Variants in FER1L5 observed in about 807,000 individuals in gnomAD.
The protein encoded by FER1L5 is fer-1 like family member 5, also known as fer-1-like protein 5.
FER1L5 carries 187 observed loss-of-function variants against 279.9 expected under a neutral mutation model. The observed-to-expected ratio is 0.67, with a 90% CI of 0.59 to 0.75. FER1L5 has a LOEUF of 0.75. Among genes scored for constraint, FER1L5 ranks in the 30% least tolerant of loss-of-function variants. The probability of loss-of-function intolerance (pLI) is 0.00; values close to 1 mark genes in which losing one functional copy is unlikely to be tolerated. For missense variants in FER1L5, 2,091 were observed against 2,594.4 expected (o/e 0.81, Z 4.21); for synonymous variants, 921 against 989.7 (o/e 0.93, Z 1.30).
intron 9 of FER1L5, among the ~76,000 whole-genome samples, chr2:96,659,770 C>T (rs912085692): frequency 2.0e-5 from 3 of 152,040 alleles, no homozygotes; most frequent in South Asian, 2.1e-4. Context: ...GGATTACAGG[C>T]GTGAGCCACT....
At chr2:96,647,600 A>T (rs1171134393) in intron 3 of FER1L5, among the ~76,000 whole-genome samples, 178 bp from the exon 4 acceptor site, 1 of 152,148 alleles carries the variant, frequency 6.6e-6, no homozygotes, top group Non-Finnish European at 1.5e-5. Context: ...CAGTTCTCAG[A>T]GCCAGAAGCC....
intron 43 of FER1L5, 91 bp from the exon 44 acceptor site, chr2:96,699,841 C>T (rs1294395321): frequency 1.3e-6 from 2 of 1,579,774 alleles, no homozygotes; most frequent in Admixed American, 1.8e-5. Flanking sequence ...CCAGTCTCCA[C>T]CCAAGCTTCC....
At chr2:96,697,407 A>C (rs1187300164) in intron 37 of FER1L5, 119 bp from the exon 38 acceptor site, 1 of 1,057,842 alleles carries the variant, frequency 9.5e-7, no homozygotes, top group African/African-American at 1.6e-5. Context: ...TAAAAGGTCT[A>C]TGTGAAAGGC....
At chr2:96,684,261 A>T in intron 19 of FER1L5, 66 bp from the exon 20 acceptor site, 1 of 1,522,680 alleles carries the variant, frequency 6.6e-7, no homozygotes. Flanking sequence ...CGGAGGGAGC[A>T]CAGTGAGAAG....
intron 19 of FER1L5, among the ~76,000 whole-genome samples, chr2:96,678,742 CA>C (rs1440758352): frequency 6.6e-6 from 1 of 152,206 alleles, no homozygotes; most frequent in African/African-American, 2.4e-5. Context: ...CACATCTTTT[CA>C]TGTGCTCATT....
chr2:96,680,354 C>T (rs189172766), intron 19 of FER1L5, among the ~76,000 whole-genome samples: 138 of 152,104 alleles, frequency 9.1e-4, no homozygotes, highest in Admixed American at 1.3e-3. Flanking sequence ...CCAAAAATCC[C>T]GGAAAACTAT....
chr2:96,677,218 C>G (rs1025216562), intron 19 of FER1L5, among the ~76,000 whole-genome samples: 2 of 152,170 alleles, frequency 1.3e-5, no homozygotes, highest in Non-Finnish European at 2.9e-5. Flanking sequence ...TGAGTAAAAT[C>G]TTATTTTGTT....
chr2:96,687,199 GC>G (rs1404704122), intron 23 of FER1L5, among the ~76,000 whole-genome samples: 1 of 152,174 alleles, frequency 6.6e-6, no homozygotes, highest in Non-Finnish European at 1.5e-5. Flanking sequence ...CTGGCCCCTG[GC>G]CCCTGTTCCT....
At chr2:96,660,243 C>T in intron 9 of FER1L5, 98 bp from the exon 10 acceptor site, 1 of 1,260,196 alleles carries the variant, frequency 7.9e-7, no homozygotes, top group East Asian at 2.5e-5. Flanking sequence ...AGAGAACATA[C>T]TGAAGCCCCA....
In FER1L5 at chr2:96,673,050, G is replaced by C. The variant is rs1199012732; in HGVS notation, c.1492-27G>C. 3 of 1,547,802 alleles carry C rather than the reference G, an allele frequency of 1.9e-6. No homozygotes were observed. In the South Asian group the frequency reaches 3.6e-5, roughly 19 times the overall value. On this transcript the variant is annotated intron_variant, in intron 18 of 52. Transcript: ENST00000624922. ...AACCCTTGGCTTATGTACTGGGTAT[G>C]GGGGGTGGGGGCGGTTATTGTTTCA... is the stretch of plus-strand genomic sequence containing the variant.
At chr2:96,684,666 G>C (rs1183618996) in intron 20 of FER1L5, among the ~76,000 whole-genome samples, 2 of 152,226 alleles carry the variant, frequency 1.3e-5, no homozygotes, top group Non-Finnish European at 2.9e-5. Context: ...AGGGAAGTTA[G>C]ACATGCAGGC....
intron 21 of FER1L5, 137 bp from the exon 22 acceptor site, chr2:96,685,803 C>T: frequency 8.9e-7 from 1 of 1,125,062 alleles, no homozygotes; most frequent in Non-Finnish European, 1.2e-6. Flanking sequence ...GTGGGAAGGG[C>T]TCCTGGGCCA....
chr2:96,663,420 C>A lies in FER1L5; in HGVS notation c.1072-19C>A. Reference sequence around the variant, plus strand: ...AGGAGGGGGCAGGCTGGCACCAACACTGCTTTGGGACATTCCAGCTCAGGA... The same window carrying A: ...AGGAGGGGGCAGGCTGGCACCAACAATGCTTTGGGACATTCCAGCTCAGGA... On this transcript the variant is annotated intron_variant, in intron 13 of 52. Transcript: ENST00000624922. The A allele has an allele frequency of 6.4e-7, 1 of 1,551,510 alleles. No individual in the cohort carries two copies. The highest frequency in any genetic ancestry group is 8.7e-7 in the Non-Finnish European group (1 of 1,146,824).
intron 13 of FER1L5, 22 bp downstream of exon 13, chr2:96,662,289 G>T: frequency 1.3e-6 from 2 of 1,550,492 alleles, no homozygotes; most frequent in South Asian, 2.4e-5. Flanking sequence ...AATATTCTGA[G>T]ACCCAGAGAG....
chr2:96,657,562 T>A (rs2075647675), intron 9 of FER1L5, among the ~76,000 whole-genome samples: 1 of 152,202 alleles, frequency 6.6e-6, no homozygotes, highest in Admixed American at 6.5e-5. Context: ...ACCTTGGGAA[T>A]CACTCCGTCT....
Position 96,647,777 on chromosome 2 carries a change from G to C in FER1L5, c.231-1G>C, listed in dbSNP as rs1337042971. On this transcript the variant is annotated splice_acceptor_variant, in intron 3 of 52. Transcript: ENST00000624922. LOFTEE classifies it high-confidence loss of function. ...CTCACATCTGCTCCTTGTCTCCCCAGATTCATTGGCCTGGCCACAGTACTG... is the reference window on the plus strand; with the variant it reads ...CTCACATCTGCTCCTTGTCTCCCCACATTCATTGGCCTGGCCACAGTACTG... The C allele has an allele frequency of 6.4e-7, 1 of 1,550,808 alleles. No individual in the cohort carries two copies. Among genetic ancestry groups the C allele is most frequent in the African/African-American group, 1.4e-5 (1 of 73,020 alleles).
intron 19 of FER1L5, among the ~76,000 whole-genome samples, chr2:96,680,606 G>A (rs998577300): frequency 6.6e-6 from 1 of 151,498 alleles, no homozygotes; most frequent in Non-Finnish European, 1.5e-5. Flanking sequence ...TATCTCCTTA[G>A]CATTTTCCAT....
chr2:96,687,655 G>C, intron 23 of FER1L5, 161 bp from the exon 24 acceptor site: 1 of 1,158,146 alleles, frequency 8.6e-7, no homozygotes, highest in South Asian at 1.6e-5. Flanking sequence ...GGGCAGAACA[G>C]AACTCCATGC....
intron 14 of FER1L5, among the ~76,000 whole-genome samples, chr2:96,666,664 T>A (rs913051998): frequency 6.6e-6 from 1 of 151,980 alleles, no homozygotes; most frequent in Non-Finnish European, 1.5e-5. Flanking sequence ...TATTTATTTT[T>A]TTTTTTTAGA....
Sources: allele counts gnomAD v4.1 joint callset (sites outside exome capture counted in the v4.1 genomes callset), GRCh38; gene constraint gnomAD v4.1.1; transcripts MANE v1.5; gene names NCBI Gene and HGNC (gene_info 2026-07-23, HGNC 2026-07-21).